TRHDE: variants seen among roughly 807,000 people sequenced by gnomAD.
The protein encoded by TRHDE is thyrotropin-releasing hormone-degrading ectoenzyme.
Under a neutral mutation model 125.7 loss-of-function variants are expected in TRHDE, and 72 were observed. The ratio of observed to expected loss-of-function variants is 0.57; its 90% CI spans 0.47 to 0.70. The LOEUF (loss-of-function observed/expected upper bound fraction) is 0.70. Ranked by LOEUF, TRHDE falls within the 30% of genes least tolerant of loss-of-function variation. The probability of loss-of-function intolerance (pLI) is 0.00; values close to 1 mark genes in which losing one functional copy is unlikely to be tolerated. For synonymous variants in TRHDE, 509 were observed against 509.1 expected (o/e 1.00, Z 0.00); for missense variants, 1,110 against 1,327.1 (o/e 0.84, Z 2.54).
At chr12:72,300,466 A>G (rs1880464908) in intron 2 of TRHDE, among the ~76,000 whole-genome samples, 1 of 151,720 alleles carries the variant, frequency 6.6e-6, no homozygotes, top group African/African-American at 2.4e-5. Context: ...TATGTATTTT[A>G]TATACACATA....
intron 2 of TRHDE, 45 bp downstream of exon 2, chr12:72,286,999 T>C (rs1254707912): frequency 6.3e-7 from 1 of 1,575,178 alleles, no homozygotes; most frequent in Admixed American, 1.8e-5. Flanking sequence ...ATGTACACTC[T>C]GTAAAGTAAC....
intron 6 of TRHDE, among the ~76,000 whole-genome samples, chr12:72,515,932 G>T (rs1462392704): frequency 7.5e-6 from 1 of 133,772 alleles, no homozygotes; most frequent in Non-Finnish European, 1.5e-5. Flanking sequence ...TCTCAGGTTT[G>T]TCAAAGATCA....
chr12:72,574,639 A>G (rs1437806456), intron 10 of TRHDE, among the ~76,000 whole-genome samples: 1 of 152,138 alleles, frequency 6.6e-6, no homozygotes, highest in Non-Finnish European at 1.5e-5. Flanking sequence ...TAATCAAATT[A>G]CCATTTTCCA....
At chr12:72,380,653 G>A (rs2135778841) in intron 3 of TRHDE, among the ~76,000 whole-genome samples, 1 of 152,268 alleles carries the variant, frequency 6.6e-6, no homozygotes, top group East Asian at 1.9e-4. Context: ...ACACGGTCAA[G>A]GAGGAATGGG....
intron 2 of TRHDE, among the ~76,000 whole-genome samples, chr12:72,310,057 C>T (rs550058569): frequency 1.3e-5 from 2 of 152,248 alleles, no homozygotes; most frequent in South Asian, 4.2e-4. Context: ...GGCCGTATGT[C>T]CAGCACAAGA....
intron 2 of TRHDE, among the ~76,000 whole-genome samples, chr12:72,184,550 G>C (rs1214366062): frequency 6.6e-6 from 1 of 152,118 alleles, no homozygotes; most frequent in Non-Finnish European, 1.5e-5. Flanking sequence ...TGGAAAGGAA[G>C]AACCTTCCTT....
intron 10 of TRHDE, among the ~76,000 whole-genome samples, chr12:72,570,286 G>T (rs1463513436): frequency 3.3e-5 from 5 of 152,026 alleles, no homozygotes; most frequent in African/African-American, 1.2e-4. Flanking sequence ...AGAATATCAA[G>T]AATAGTATCC....
intron 3 of TRHDE, among the ~76,000 whole-genome samples, chr12:72,421,024 A>G (rs1015066372): frequency 1.3e-5 from 2 of 150,880 alleles, no homozygotes; most frequent in African/African-American, 2.4e-5. Flanking sequence ...GCTGGAGTGC[A>G]GTGGCGCGAT....
At chr12:72,152,620 T>C (rs1292702761) in intron 2 of TRHDE, among the ~76,000 whole-genome samples, 8 of 152,362 alleles carry the variant, frequency 5.3e-5, no homozygotes, top group African/African-American at 1.9e-4. Flanking sequence ...TGTTGAAATT[T>C]GTCAAAGGCC....
At position 72,131,111 on chromosome 12, in the gene TRHDE, A is replaced by G. The variant is rs920695338; in HGVS notation, n.279+25359A>G. 8.0e-5 allele frequency among the ~76,000 whole-genome samples: 10 copies of G among 125,620 alleles called. No homozygotes were observed. The East Asian group carries it at 1.1e-3, about 14-fold the overall frequency. The allele number at this position is 125,620 out of a possible 152,430, so 82.4% of individuals were successfully genotyped here. On this transcript the variant is annotated intron_variant and non_coding_transcript_variant, in intron 2 of 4. Transcript: ENST00000548156. ...TTTTGAGACAGAGTCTTCCTCTGTCACCCAGGCTGGAGTGCAGTGGCGCGA... is the reference window on the plus strand; with the variant it reads ...TTTTGAGACAGAGTCTTCCTCTGTCGCCCAGGCTGGAGTGCAGTGGCGCGA...
chr12:72,340,740 A>G (rs1870046311), intron 2 of TRHDE, among the ~76,000 whole-genome samples: 1 of 152,148 alleles, frequency 6.6e-6, no homozygotes, highest in African/African-American at 2.4e-5. Context: ...ATCTTTAAGG[A>G]TACTTCCCAG....
intron 2 of TRHDE, among the ~76,000 whole-genome samples, chr12:72,182,109 G>T (rs575895879): frequency 1.5e-4 from 23 of 152,134 alleles, no homozygotes; most frequent in Non-Finnish European, 3.1e-4. Context: ...GTATTTTAGA[G>T]CCCTGAAATG....
At chr12:72,174,487 T>C (rs1429137000) in intron 2 of TRHDE, among the ~76,000 whole-genome samples, 2 of 152,162 alleles carry the variant, frequency 1.3e-5, no homozygotes, top group African/African-American at 4.8e-5. Flanking sequence ...TCTTATATCA[T>C]TTTTTTCTTC....
chr12:72,274,801 T>C (rs539749909), intron 1 of TRHDE: 164 of 152,298 alleles, frequency 1.1e-3, no homozygotes, highest in African/African-American at 3.9e-3. Flanking sequence ...TATGAGTGAA[T>C]GCATTACAAA....
intron 12 of TRHDE, among the ~76,000 whole-genome samples, chr12:72,593,264 C>T (rs1871771927): frequency 6.6e-6 from 1 of 152,152 alleles, no homozygotes; most frequent in Non-Finnish European, 1.5e-5. Context: ...AGGGAAACCT[C>T]ACCCCTATTT....
At chr12:72,417,210 G>T (rs1047844855) in intron 3 of TRHDE, among the ~76,000 whole-genome samples, 2 of 151,928 alleles carry the variant, frequency 1.3e-5, no homozygotes, top group East Asian at 1.9e-4. Flanking sequence ...TTCATATGTT[G>T]ATTTTGGGTC....
intron 3 of TRHDE, among the ~76,000 whole-genome samples, chr12:72,380,800 TTCC>T (rs1191046255): frequency 4.1e-5 from 6 of 144,906 alleles, no homozygotes; most frequent in East Asian, 2.0e-4. Context: ...CCTTCCTTCC[TTCC>T]TTCCTTCCTT....
rs1026542772 is a variant in TRHDE, at chr12:72,391,221, T to C, written c.1315+13100T>C. ...GTACTCCTGGCCCACCTTTTAGTCT[T>C]AAAGTCTTTCATTACTGTTTTTGAG... On this transcript the variant is annotated intron_variant, in intron 3 of 18. Coordinates refer to ENST00000261180, the MANE Select transcript of TRHDE (RefSeq NM_013381.3). Among the ~76,000 whole-genome samples the C allele has an allele frequency of 2.6e-5, 4 of 152,194 alleles. No homozygotes were observed. The South Asian group carries it at 6.2e-4, about 24-fold the overall frequency.
intron 1 of TRHDE, chr12:72,274,086 G>A (rs1397960987): frequency 6.5e-6 from 1 of 153,200 alleles, no homozygotes; most frequent in Non-Finnish European, 1.5e-5. Flanking sequence ...GATGGGCTTT[G>A]GCTGCGTCAA....
Sources: gnomAD v4.1 joint callset for allele counts (sites outside exome capture counted in the v4.1 genomes callset) on GRCh38, gnomAD v4.1.1 for gene constraint, MANE v1.5 for transcripts, NCBI Gene and HGNC (gene_info 2026-07-23, HGNC 2026-07-21) for gene names.